ZDHHC18: variants seen among roughly 807,000 people sequenced by gnomAD.
ZDHHC18 encodes the protein palmitoyltransferase ZDHHC18.
In ZDHHC18, 23 loss-of-function variants were observed where a neutral mutation model predicts 37.5. The ratio of observed to expected loss-of-function variants is 0.61; its 90% CI spans 0.44 to 0.87. The LOEUF (loss-of-function observed/expected upper bound fraction) is 0.87, where lower values mean the gene tolerates loss of function less well. Among genes scored for constraint, ZDHHC18 ranks in the 40% least tolerant of loss-of-function variants. The pLI is 0.00. For missense variants in ZDHHC18, 406 were observed against 525.6 expected (o/e 0.77, Z 2.22); for synonymous variants, 185 against 218.7 (o/e 0.85, Z 1.36).
chr1:26,851,248 C>T lies in ZDHHC18; in HGVS notation c.936+17C>T. Reference sequence around the variant, plus strand: ...AATGAAGACGTGAGTAAACCTGGAGCCACCCCTCATTCTAGGGCAGCGCCC... The same window carrying T: ...AATGAAGACGTGAGTAAACCTGGAGTCACCCCTCATTCTAGGGCAGCGCCC... On this transcript the variant is annotated intron_variant, in intron 6 of 7. Coordinates refer to ENST00000374142, the MANE Select transcript of ZDHHC18 (RefSeq NM_032283.3). 1 of 1,611,280 alleles carries T rather than the reference C, an allele frequency of 6.2e-7. No homozygotes were observed. The highest frequency in any genetic ancestry group is 8.5e-7 in the Non-Finnish European group (1 of 1,177,372).
chr1:26,848,833 A>G, intron 3 of ZDHHC18, 76 bp downstream of exon 3: 2 of 1,553,718 alleles, frequency 1.3e-6, no homozygotes, highest in Middle Eastern at 1.8e-4. Flanking sequence ...GGCATCAAGC[A>G]TGGGGATGGC....
chr1:26,852,976 C>T (rs1331171802), intron 7 of ZDHHC18, 111 bp downstream of exon 7: 1 of 863,764 alleles, frequency 1.2e-6, no homozygotes. Flanking sequence ...CCTCCGTCCA[C>T]TACCCCCTGG....
At position 26,854,088 on chromosome 1, in the gene ZDHHC18, C is replaced by T. The variant is rs2081721268; in HGVS notation, c.*245C>T. On this transcript the variant is annotated 3_prime_UTR_variant, in exon 8 of 8. Transcript: ENST00000374142. This position sits in a 1 kb window ranked among gnomAD's most constrained non-coding sequence, Gnocchi z 4.6. ...GATCAGTGCCAGGAGAGACCAGAGC[C>T]TCTGGAGGCTACCCAGGGGACCACA... The T allele has an allele frequency of 6.1e-6, 3 of 495,592 alleles. No homozygotes were observed. The highest frequency in any genetic ancestry group is 2.5e-5 in the South Asian group (1 of 40,082). The allele number at this position is 495,592 out of a possible 1,614,324, so 30.7% of individuals were successfully genotyped here.
chr1:26,837,166 T>C (rs1311528538), intron 2 of ZDHHC18, among the ~76,000 whole-genome samples: 1 of 147,504 alleles, frequency 6.8e-6, no homozygotes, highest in Non-Finnish European at 1.5e-5. Context: ...GGCAGGAGAA[T>C]GGTGTGAACC....
intron 2 of ZDHHC18, among the ~76,000 whole-genome samples, chr1:26,837,093 T>C (rs2081615431): frequency 6.8e-6 from 1 of 146,746 alleles, no homozygotes; most frequent in Non-Finnish European, 1.5e-5. Flanking sequence ...CTAAAAAAAA[T>C]ACAAAAAAAA....
rs748409407 is a variant in ZDHHC18 at position 26,850,650 on chromosome 1, C to G, written c.833+44C>G. 2 of 1,609,092 alleles carry G rather than the reference C, an allele frequency of 1.2e-6. No homozygotes were observed. Among genetic ancestry groups the G allele is most frequent in the Non-Finnish European group, 1.7e-6 (2 of 1,176,400 alleles). On this transcript the variant is annotated intron_variant, in intron 5 of 7. Coordinates refer to ENST00000374142, the MANE Select transcript of ZDHHC18 (RefSeq NM_032283.3). This position sits in a 1 kb window ranked among gnomAD's most constrained non-coding sequence, Gnocchi z 6.1. ...AGGACACTCCAGTGGGAACTGAGGT[C>G]CCTTCACTGGGTGGGTGCCCTGCCT...
At chr1:26,853,618 T>C in intron 7 of ZDHHC18, 108 bp from the exon 8 acceptor site, 2 of 1,074,148 alleles carry the variant, frequency 1.9e-6, no homozygotes, top group Non-Finnish European at 2.8e-6. Context: ...CCTCAGCCTT[T>C]CTCAGCCTGG....
At chr1:26,834,719 A>G (rs2081603485) in intron 2 of ZDHHC18, among the ~76,000 whole-genome samples, 2 of 152,232 alleles carry the variant, frequency 1.3e-5, no homozygotes, top group South Asian at 2.1e-4. Context: ...TGACTGAAGA[A>G]TAGGTGAGCT....
intron 2 of ZDHHC18, among the ~76,000 whole-genome samples, chr1:26,840,603 G>A (rs780140986): frequency 2.6e-5 from 4 of 151,500 alleles, no homozygotes; most frequent in Non-Finnish European, 4.4e-5. Flanking sequence ...CACCATGCCC[G>A]GCTAATTTTT....
chr1:26,850,156 G>A lies in ZDHHC18; in HGVS notation c.647-145G>A, dbSNP rs1557645546. ...GGGAACTGGTACACAAAGGACCAGA[G>A]GCAGGTGTGTCCAAGGCCTGGGAGC... On this transcript the variant is annotated intron_variant, in intron 3 of 7. Coordinates refer to ENST00000374142, the MANE Select transcript of ZDHHC18 (RefSeq NM_032283.3). The surrounding 1 kb of genome is among the most constrained non-coding windows in gnomAD (Gnocchi z 6.1). 1.9e-5 allele frequency: 18 copies of A among 939,358 alleles called. No individual in the cohort carries two copies. The highest frequency in any genetic ancestry group is 2.5e-5 in the Non-Finnish European group (16 of 628,610). The allele number at this position is 939,358 out of a possible 1,614,324, so 58.2% of individuals were successfully genotyped here. A position where few individuals can be genotyped will look rare whatever the true frequency, so the allele number is the denominator to read the frequency against.
At chr1:26,840,527 A>AC (rs2081632452) in intron 2 of ZDHHC18, among the ~76,000 whole-genome samples, 1 of 150,090 alleles carries the variant, frequency 6.7e-6, no homozygotes, top group South Asian at 2.1e-4. Context: ...TTCAACTTCC[A>AC]CCTCCTGGGT....
chr1:26,841,996 A>T (rs561841985), intron 2 of ZDHHC18, among the ~76,000 whole-genome samples: 8 of 152,210 alleles, frequency 5.3e-5, no homozygotes, highest in Admixed American at 5.2e-4. Flanking sequence ...TTAGCCAGGC[A>T]TGGTTGCGGG....
At chr1:26,829,488 C>G (rs1253609999) in intron 1 of ZDHHC18, among the ~76,000 whole-genome samples, 1 of 152,150 alleles carries the variant, frequency 6.6e-6, no homozygotes, top group African/African-American at 2.4e-5. Context: ...ATGGCTCACT[C>G]TCTCACATTA....
chr1:26,847,332 C>T (rs1203920442), intron 2 of ZDHHC18, among the ~76,000 whole-genome samples: 2 of 152,148 alleles, frequency 1.3e-5, no homozygotes, highest in African/African-American at 4.8e-5. Context: ...CCACCTCAGC[C>T]TCCTTAGTAG....
intron 2 of ZDHHC18, among the ~76,000 whole-genome samples, chr1:26,844,261 A>T (rs1349597953): frequency 6.6e-6 from 1 of 151,196 alleles, no homozygotes; most frequent in Non-Finnish European, 1.5e-5. Flanking sequence ...CTGGTCTTGA[A>T]CTCCTGACCT....
intron 2 of ZDHHC18, among the ~76,000 whole-genome samples, chr1:26,847,323 C>T (rs2081675434): frequency 6.6e-6 from 1 of 151,802 alleles, no homozygotes; most frequent in African/African-American, 2.4e-5. Context: ...ATGATCCTCC[C>T]ACCTCAGCCT....
intron 2 of ZDHHC18, among the ~76,000 whole-genome samples, chr1:26,846,288 G>GTATATA (rs1452291069): frequency 0.027 from 1,415 of 52,990 alleles, 30 homozygotes; most frequent in East Asian, 0.11. Flanking sequence ...GTGTGTGTGT[G>GTATATA]TGTATATATA....
intron 2 of ZDHHC18, among the ~76,000 whole-genome samples, chr1:26,840,194 T>C (rs552510729): frequency 6.6e-6 from 1 of 152,338 alleles, no homozygotes; most frequent in Middle Eastern, 3.4e-3. Flanking sequence ...CCACTGAGGA[T>C]TCCAGTAACT....
Position 26,846,582 on chromosome 1 carries a change from A to G in ZDHHC18, c.497-2026A>G, listed in dbSNP as rs2081667406. Among the ~76,000 whole-genome samples the G allele has an allele frequency of 2.6e-5, 4 of 151,444 alleles. No individual in the cohort carries two copies. The South Asian group carries it at 8.4e-4, about 32-fold the overall frequency. On this transcript the variant is annotated intron_variant, in intron 2 of 7. Transcript: ENST00000374142. ...ATGATCCGCCTGCCTCGGCCTCCCA[A>G]AGTGCTGGGATTACAGGCGTGAGCC...
Sources: allele counts gnomAD v4.1 joint callset (sites outside exome capture counted in the v4.1 genomes callset), GRCh38; gene constraint gnomAD v4.1.1; non-coding constraint Gnocchi (gnomAD v3.1); transcripts MANE v1.5; gene names NCBI Gene and HGNC (gene_info 2026-07-23, HGNC 2026-07-21).